ROBO2: variants seen among roughly 807,000 people sequenced by gnomAD.
The protein encoded by ROBO2 is roundabout guidance receptor 2.
A neutral mutation model predicts 160.8 loss-of-function variants in ROBO2; 53 were observed. The observed-to-expected ratio is 0.33, with a 90% CI of 0.26 to 0.41. ROBO2 has a LOEUF of 0.41. ROBO2 is among the 10% of genes least tolerant of loss of function. The pLI is 1.00. For missense variants in ROBO2, 1,577 were observed against 1,722.4 expected, an observed-to-expected ratio of 0.92 and a Z score of 1.49; for synonymous variants, 664 against 611.7, an observed-to-expected ratio of 1.09 and a Z score of -1.26.
chr3:76,031,398 T>C (rs966119660), intron 2 of ROBO2, among the ~76,000 whole-genome samples: 14 of 152,170 alleles, frequency 9.2e-5, no homozygotes, highest in African/African-American at 2.7e-4. Context: ...TCCAACACTA[T>C]GTTGAATAGG....
At chr3:76,850,173 GA>G (rs1019004675) in intron 2 of ROBO2, among the ~76,000 whole-genome samples, 2 of 150,192 alleles carry the variant, frequency 1.3e-5, no homozygotes, top group Admixed American at 6.6e-5. Flanking sequence ...CCTGGTAACA[GA>G]AAAAAAAAGT....
At chr3:77,470,928 T>G (rs2083291499) in intron 2 of ROBO2, among the ~76,000 whole-genome samples, 1 of 152,186 alleles carries the variant, frequency 6.6e-6, no homozygotes. Context: ...TTCAGTGTTG[T>G]TTGGGTCTCC....
At chr3:77,243,841 A>G (rs920512569) in intron 2 of ROBO2, among the ~76,000 whole-genome samples, 1 of 152,240 alleles carries the variant, frequency 6.6e-6, no homozygotes, top group Non-Finnish European at 1.5e-5. Flanking sequence ...ATCTCAAGGC[A>G]AATGTCATGT....
At position 76,567,681 on chromosome 3, in the gene ROBO2, G is replaced by GTA. The variant is rs1335449141; in HGVS notation, c.110-530323_110-530322dup. ...CATACACATATATATACATATATATGTATATATATATGTATATCAGTGTAT... is the reference window on the plus strand; with the variant it reads ...CATACACATATATATACATATATATGTATATATATATATGTATATCAGTGTAT... On this transcript the variant is annotated intron_variant, in intron 2 of 26. Transcript: ENST00000487694. Among the ~76,000 whole-genome samples, 59 of 52,910 alleles carry GTA rather than the reference G, an allele frequency of 1.1e-3. No individual in the cohort carries two copies. In the East Asian group the frequency reaches 0.018, roughly 16 times the overall value. 34.7% of individuals were successfully genotyped at this position (52,910 alleles called of 152,430 possible). A position where few individuals can be genotyped will look rare whatever the true frequency, so the allele number is the denominator to read the frequency against.
chr3:77,542,271 T>C (rs189678971), intron 6 of ROBO2, among the ~76,000 whole-genome samples: 1 of 146,424 alleles, frequency 6.8e-6, no homozygotes, highest in Admixed American at 7.1e-5. Context: ...AAGTGATTGA[T>C]GCAATTTGTT....
chr3:76,353,103 T>C (rs529466017), intron 2 of ROBO2, among the ~76,000 whole-genome samples: 1 of 152,118 alleles, frequency 6.6e-6, no homozygotes, highest in South Asian at 2.1e-4. Context: ...CAAATGCACA[T>C]AAATGCAAAC....
chr3:76,498,023 T>C (rs936123649), intron 2 of ROBO2, among the ~76,000 whole-genome samples: 8 of 152,214 alleles, frequency 5.3e-5, no homozygotes, highest in African/African-American at 1.9e-4. Context: ...TAAACCTCTT[T>C]GTTTACTCAT....
intron 1 of ROBO2, among the ~76,000 whole-genome samples, chr3:75,912,720 T>C (rs745538817): frequency 3.3e-5 from 5 of 152,194 alleles, no homozygotes; most frequent in Non-Finnish European, 7.3e-5. Context: ...CTCTAAGTTA[T>C]ACATACTGGT....
chr3:77,214,532 G>A (rs1000009292), intron 2 of ROBO2, among the ~76,000 whole-genome samples: 3 of 152,010 alleles, frequency 2.0e-5, no homozygotes, highest in African/African-American at 4.8e-5. Context: ...ACTCTTTATC[G>A]AATTTGCCAG....
chr3:77,553,873 T>C (rs2093014969), intron 8 of ROBO2, among the ~76,000 whole-genome samples: 1 of 125,114 alleles, frequency 8.0e-6, no homozygotes, highest in African/African-American at 3.0e-5. Context: ...CATCAAGGGC[T>C]AATATGGAAG....
At chr3:76,472,697 T>C (rs759420712) in intron 2 of ROBO2, among the ~76,000 whole-genome samples, 9 of 152,200 alleles carry the variant, frequency 5.9e-5, no homozygotes, top group Admixed American at 1.3e-4. Flanking sequence ...TGTTATATAA[T>C]CTCTTAAAAA....
intron 6 of ROBO2, among the ~76,000 whole-genome samples, chr3:77,544,957 T>C (rs1160899012): frequency 6.6e-6 from 1 of 152,036 alleles, no homozygotes; most frequent in Non-Finnish European, 1.5e-5. Flanking sequence ...CTCAAGATCA[T>C]TAGACCACCA....
chr3:76,794,151 T>C (rs1416929072), intron 2 of ROBO2, among the ~76,000 whole-genome samples: 3 of 151,872 alleles, frequency 2.0e-5, no homozygotes, highest in African/African-American at 7.2e-5. Flanking sequence ...GCAGAATTCA[T>C]ACCAGTACAG....
chr3:77,494,604 A>G (rs1002840563), intron 5 of ROBO2, among the ~76,000 whole-genome samples: 1 of 152,188 alleles, frequency 6.6e-6, no homozygotes, highest in African/African-American at 2.4e-5. Context: ...ACAAACAAAC[A>G]AAACAACAAA....
intron 2 of ROBO2, among the ~76,000 whole-genome samples, chr3:77,198,997 C>G (rs2082572221): frequency 6.6e-6 from 1 of 152,096 alleles, no homozygotes; most frequent in Non-Finnish European, 1.5e-5. Context: ...ATTCAATGGT[C>G]CCTACCCTCA....
At chr3:76,825,115 C>G (rs1182830256) in intron 2 of ROBO2, among the ~76,000 whole-genome samples, 1 of 152,122 alleles carries the variant, frequency 6.6e-6, no homozygotes, top group African/African-American at 2.4e-5. Context: ...CACACCAGAA[C>G]GTGTAAAAGA....
chr3:76,246,688 T>C (rs946591495), intron 2 of ROBO2, among the ~76,000 whole-genome samples: 45 of 152,160 alleles, frequency 3.0e-4, no homozygotes, highest in African/African-American at 1.1e-3. Context: ...AGGATTTATT[T>C]TGAGTGAGAA....
intron 6 of ROBO2, among the ~76,000 whole-genome samples, chr3:77,538,402 C>A (rs999590898): frequency 6.6e-6 from 1 of 151,978 alleles, no homozygotes; most frequent in Admixed American, 6.5e-5. Flanking sequence ...TGGTCTCGAT[C>A]TCCTGACCTC....
intron 2 of ROBO2, among the ~76,000 whole-genome samples, chr3:76,292,090 T>C (rs1708832844): frequency 6.6e-6 from 1 of 152,186 alleles, no homozygotes; most frequent in Admixed American, 6.5e-5. Flanking sequence ...ATGATCTGTC[T>C]AATGTCGTCG....
Sources: gnomAD v4.1 joint callset for allele counts (sites outside exome capture counted in the v4.1 genomes callset) on GRCh38, gnomAD v4.1.1 for gene constraint, MANE v1.5 for transcripts, NCBI Gene and HGNC (gene_info 2026-07-23, HGNC 2026-07-21) for gene names.